The following MAGI2 variants were observed in gnomAD, a reference collection of about 807,000 sequenced individuals.
The protein encoded by MAGI2 is membrane associated guanylate kinase, WW and PDZ domain containing 2.
MAGI2 carries 35 observed loss-of-function variants against 133.3 expected under a neutral mutation model. The observed-to-expected ratio is 0.26, with a 90% CI of 0.20 to 0.35. MAGI2 has a LOEUF of 0.35. Ranked by LOEUF, MAGI2 falls within the 10% of genes least tolerant of loss-of-function variation. The pLI is 1.00. For synonymous variants in MAGI2, 729 were observed against 710.6 expected (o/e 1.03, Z -0.41); for missense variants, 1,636 against 1,863.4 (o/e 0.88, Z 2.25).
intron 1 of MAGI2, among the ~76,000 whole-genome samples, chr7:79,121,058 C>G (rs953005201): frequency 1.3e-5 from 2 of 151,990 alleles, no homozygotes; most frequent in African/African-American, 4.8e-5. Context: ...GGATACTTCC[C>G]CCACATTTCT....
rs57378677 is a variant in MAGI2, at chr7:78,865,170, ATC to A, written c.418+141918_418+141919del. 7.7e-3 allele frequency among the ~76,000 whole-genome samples: 1,168 copies of A among 152,284 alleles called. 19 individuals carry two copies. Among genetic ancestry groups the A allele is most frequent in the African/African-American group, 0.027 (1,106 of 41,568 alleles). Reference sequence around the variant, plus strand: ...AGGTCTGAAGAGCAGAGATATTTTAATCTCATCTTTTAGTTAAAGTATATAAT... The same window carrying A: ...AGGTCTGAAGAGCAGAGATATTTTAATCATCTTTTAGTTAAAGTATATAAT... On this transcript the variant is annotated intron_variant, in intron 2 of 21. Transcript: ENST00000354212.
chr7:78,996,948 A>C (rs535679668), intron 2 of MAGI2, among the ~76,000 whole-genome samples: 2 of 133,658 alleles, frequency 1.5e-5, no homozygotes, highest in South Asian at 5.1e-4. Context: ...GTAGTGCCCG[A>C]GTCATATTCT....
intron 13 of MAGI2, among the ~76,000 whole-genome samples, chr7:78,183,997 A>G (rs1333213910): frequency 6.6e-6 from 1 of 152,222 alleles, no homozygotes; most frequent in Non-Finnish European, 1.5e-5. Context: ...ATATACCCCA[A>G]CTATATTATA....
At chr7:78,642,812 C>G (rs1810447730) in intron 2 of MAGI2, among the ~76,000 whole-genome samples, 1 of 152,144 alleles carries the variant, frequency 6.6e-6, no homozygotes, top group Non-Finnish European at 1.5e-5. Context: ...GTAACTTGCC[C>G]AAGTGGCAGC....
At chr7:78,750,457 A>G (rs1008388328) in intron 2 of MAGI2, among the ~76,000 whole-genome samples, 1 of 152,244 alleles carries the variant, frequency 6.6e-6, no homozygotes, top group Non-Finnish European at 1.5e-5. Context: ...TCCTTGAGGA[A>G]TCACCACACT....
chr7:79,441,464 C>T (rs887605630), intron 1 of MAGI2, among the ~76,000 whole-genome samples: 6 of 152,176 alleles, frequency 3.9e-5, no homozygotes, highest in East Asian at 1.9e-4. Context: ...TATAAAAAGG[C>T]ATTTTATTGA....
intron 6 of MAGI2, among the ~76,000 whole-genome samples, chr7:78,462,320 G>A (rs774829903): frequency 1.3e-4 from 20 of 152,266 alleles, no homozygotes; most frequent in South Asian, 4.1e-4. Context: ...TGGCAAAGGT[G>A]CATTCAGCAT....
chr7:79,179,233 T>C (rs76403905), intron 1 of MAGI2, among the ~76,000 whole-genome samples: 7,607 of 152,010 alleles, frequency 0.05, 421 homozygotes, highest in East Asian at 0.16. Flanking sequence ...TTGTTAAAAA[T>C]TGTGAAAATT....
chr7:79,200,554 T>G (rs1296119205), intron 1 of MAGI2, among the ~76,000 whole-genome samples: 1 of 150,634 alleles, frequency 6.6e-6, no homozygotes, highest in Non-Finnish European at 1.5e-5. Flanking sequence ...GAGGTTGCAG[T>G]GAGCCAAGAT....
chr7:78,422,067 T>G (rs1006139779), intron 6 of MAGI2, among the ~76,000 whole-genome samples: 2 of 152,192 alleles, frequency 1.3e-5, no homozygotes, highest in African/African-American at 4.8e-5. Context: ...CACTTACAAC[T>G]TGCCTCTCAA....
chr7:79,112,564 AC>A (rs1354289427), intron 1 of MAGI2, among the ~76,000 whole-genome samples: 1 of 152,188 alleles, frequency 6.6e-6, no homozygotes, highest in African/African-American at 2.4e-5. Context: ...CAATGAAAAA[AC>A]TACTCCAAGA....
intron 2 of MAGI2, among the ~76,000 whole-genome samples, chr7:78,949,246 A>G (rs1485763398): frequency 1.3e-5 from 2 of 152,188 alleles, no homozygotes; most frequent in Non-Finnish European, 2.9e-5. Flanking sequence ...ATGATGGCAT[A>G]ATGCCTGATG....
At chr7:78,863,466 A>G (rs777280226) in intron 2 of MAGI2, among the ~76,000 whole-genome samples, 3 of 152,174 alleles carry the variant, frequency 2.0e-5, no homozygotes, top group Non-Finnish European at 4.4e-5. Context: ...GCTCTTTTCA[A>G]CAACCAGCTC....
intron 1 of MAGI2, among the ~76,000 whole-genome samples, chr7:79,016,877 G>T (rs1193109663): frequency 6.6e-6 from 1 of 152,324 alleles, no homozygotes; most frequent in Non-Finnish European, 1.5e-5. Flanking sequence ...TGCCATCTAC[G>T]TTAATGCATG....
At chr7:78,409,566 C>T (rs888262095) in intron 6 of MAGI2, among the ~76,000 whole-genome samples, 1 of 152,114 alleles carries the variant, frequency 6.6e-6, no homozygotes, top group Non-Finnish European at 1.5e-5. Context: ...AATCCATTTA[C>T]TCTTGAACAA....
chr7:79,403,755 T>C (rs1845622057), intron 1 of MAGI2, among the ~76,000 whole-genome samples: 1 of 152,176 alleles, frequency 6.6e-6, no homozygotes, highest in African/African-American at 2.4e-5. Context: ...ACTGAGACTT[T>C]AGAGAAAAGA....
intron 21 of MAGI2, 31 bp downstream of exon 21, chr7:78,078,916 G>A (rs761793388): frequency 6.2e-7 from 1 of 1,612,658 alleles, no homozygotes; most frequent in African/African-American, 1.3e-5. Context: ...AGAAGGAAGA[G>A]CAAAAGGGTG....
At chr7:78,070,541 T>G (rs565338873) in intron 21 of MAGI2, among the ~76,000 whole-genome samples, 2 of 109,648 alleles carry the variant, frequency 1.8e-5, no homozygotes, top group South Asian at 5.2e-4. Flanking sequence ...TGTGTACATA[T>G]GTATATATGT....
chr7:79,323,800 G>A (rs1420484187), intron 1 of MAGI2, among the ~76,000 whole-genome samples: 1 of 152,114 alleles, frequency 6.6e-6, no homozygotes, highest in African/African-American at 2.4e-5. Flanking sequence ...CAGCTCAAAG[G>A]TGTATATGGG....
Sources: allele counts gnomAD v4.1 joint callset (sites outside exome capture counted in the v4.1 genomes callset), GRCh38; gene constraint gnomAD v4.1.1; transcripts MANE v1.5; gene names NCBI Gene and HGNC (gene_info 2026-07-23, HGNC 2026-07-21).